KLHL1: variants seen among roughly 807,000 people sequenced by gnomAD.
KLHL1 encodes the protein kelch-like protein 1.
In KLHL1, 47 loss-of-function variants were observed where a neutral mutation model predicts 77.7. The observed-to-expected ratio is 0.60, with a 90% CI of 0.48 to 0.77. The LOEUF is 0.77. KLHL1 is among the 30% of genes least tolerant of loss of function. The probability of loss-of-function intolerance (pLI) is 0.00; values close to 1 mark genes in which losing one functional copy is unlikely to be tolerated. For synonymous variants in KLHL1, 360 were observed against 325.2 expected (o/e 1.11, Z -1.15); for missense variants, 925 against 910.8 (o/e 1.02, Z -0.20).
chr13:69,988,308 G>A (rs1365079240), intron 1 of KLHL1, among the ~76,000 whole-genome samples: 1 of 151,946 alleles, frequency 6.6e-6, no homozygotes, highest in Non-Finnish European at 1.5e-5. Flanking sequence ...TCTTTTTCAT[G>A]GTTGCATACT....
intron 3 of KLHL1, 35 bp downstream of exon 3, chr13:69,961,273 G>C (rs924019650): frequency 3.2e-6 from 5 of 1,560,716 alleles, no homozygotes; most frequent in Admixed American, 3.5e-5. Flanking sequence ...AAATTTATAA[G>C]ACATCAGAAT....
At chr13:69,819,711 T>C (rs1483403604) in intron 6 of KLHL1, among the ~76,000 whole-genome samples, 1 of 152,182 alleles carries the variant, frequency 6.6e-6, no homozygotes, top group Admixed American at 6.5e-5. Context: ...TCACTGCTAC[T>C]GTGGCCCTAA....
At chr13:69,788,100 T>C (rs1876655910) in intron 7 of KLHL1, among the ~76,000 whole-genome samples, 2 of 152,250 alleles carry the variant, frequency 1.3e-5, no homozygotes, top group South Asian at 4.1e-4. Flanking sequence ...GAAGACAGTG[T>C]GGCGATTCCT....
chr13:70,051,743 C>A (rs953607701), intron 1 of KLHL1, among the ~76,000 whole-genome samples: 1 of 151,866 alleles, frequency 6.6e-6, no homozygotes, highest in African/African-American at 2.4e-5. Context: ...TCATTCCAAC[C>A]TGTGATTTAT....
chr13:69,990,510 G>A (rs1013441365), intron 1 of KLHL1, among the ~76,000 whole-genome samples: 1 of 151,912 alleles, frequency 6.6e-6, no homozygotes, highest in Non-Finnish European at 1.5e-5. Flanking sequence ...AAAAAAGCAG[G>A]AGCTGTAATC....
rs755065358 is a variant in KLHL1 at position 69,740,377 on chromosome 13, G to A, written c.1802+17C>T. ...CTTTTTTTCTAAGATTAAAAAATAA[G>A]AAAAAAATTTACTTACTTGCCATTC... On this transcript the variant is annotated intron_variant, in intron 8 of 10. Transcript: ENST00000377844. 4.6e-6 allele frequency: 7 copies of A among 1,513,116 alleles called. No homozygotes were observed. In the East Asian group the frequency reaches 1.2e-4, roughly 25 times the overall value. 93.7% of individuals were successfully genotyped at this position (1,513,116 alleles called of 1,614,324 possible). A position where few individuals can be genotyped will look rare whatever the true frequency, so the allele number is the denominator to read the frequency against.
chr13:69,740,364 G>T (rs773687172), intron 8 of KLHL1, 30 bp downstream of exon 8: 9 of 1,465,350 alleles, frequency 6.1e-6, no homozygotes, highest in South Asian at 4.1e-5. Context: ...TTTTTTCTAA[G>T]ATTAAAAAAT....
intron 1 of KLHL1, among the ~76,000 whole-genome samples, chr13:70,013,245 A>G (rs1885580238): frequency 6.6e-6 from 1 of 152,212 alleles, no homozygotes; most frequent in South Asian, 2.1e-4. Flanking sequence ...GCAATTCTAT[A>G]CATTAAAAAA....
At chr13:69,821,023 G>A (rs1486113797) in intron 6 of KLHL1, among the ~76,000 whole-genome samples, 1 of 152,158 alleles carries the variant, frequency 6.6e-6, no homozygotes, top group African/African-American at 2.4e-5. Context: ...AGTGAAAGCA[G>A]CCACAGACAA....
chr13:69,771,558 A>G (rs1875564333), intron 7 of KLHL1, among the ~76,000 whole-genome samples: 1 of 152,162 alleles, frequency 6.6e-6, no homozygotes, highest in Non-Finnish European at 1.5e-5. Flanking sequence ...TTACACTTCT[A>G]GCAGCAATTG....
chr13:69,979,009 T>C (rs754761013), intron 1 of KLHL1, among the ~76,000 whole-genome samples: 1 of 152,080 alleles, frequency 6.6e-6, no homozygotes, highest in Non-Finnish European at 1.5e-5. Context: ...AAAAGAGTTA[T>C]TCAAAGTCAA....
intron 6 of KLHL1, among the ~76,000 whole-genome samples, chr13:69,828,881 C>T (rs1383600823): frequency 6.7e-6 from 1 of 150,028 alleles, no homozygotes; most frequent in African/African-American, 2.5e-5. Context: ...ACCTCCATCC[C>T]CCACAGTGGC....
chr13:69,915,676 G>T (rs1336918038), intron 4 of KLHL1, among the ~76,000 whole-genome samples: 3 of 152,052 alleles, frequency 2.0e-5, no homozygotes, highest in African/African-American at 7.2e-5. Flanking sequence ...TCAGGACATA[G>T]GCATGGGCAA....
At chr13:69,770,842 G>A (rs997278017) in intron 7 of KLHL1, among the ~76,000 whole-genome samples, 1 of 152,052 alleles carries the variant, frequency 6.6e-6, no homozygotes, top group Non-Finnish European at 1.5e-5. Flanking sequence ...TCCGCCTCCT[G>A]GGTTCAAACA....
chr13:69,873,797 A>G (rs1169902386), intron 5 of KLHL1, among the ~76,000 whole-genome samples: 1 of 152,202 alleles, frequency 6.6e-6, no homozygotes, highest in East Asian at 1.9e-4. Context: ...ACTTGCTAAG[A>G]CCAAGAATAA....
At chr13:70,049,903 G>C (rs1886589390) in intron 1 of KLHL1, among the ~76,000 whole-genome samples, 3 of 151,762 alleles carry the variant, frequency 2.0e-5, no homozygotes, top group Admixed American at 6.6e-5. Context: ...CAGCAATCTA[G>C]ATTATTCCCA....
chr13:70,022,637 C>A (rs913148875), intron 1 of KLHL1, among the ~76,000 whole-genome samples: 3 of 151,874 alleles, frequency 2.0e-5, no homozygotes, highest in Admixed American at 2.0e-4. Flanking sequence ...TATAATCCAA[C>A]TACACAATAC....
At chr13:69,810,654 G>C (rs1042998845) in intron 6 of KLHL1, among the ~76,000 whole-genome samples, 2 of 151,482 alleles carry the variant, frequency 1.3e-5, no homozygotes, top group South Asian at 4.2e-4. Context: ...ACTAAACAAA[G>C]CTAGCAGATT....
intron 1 of KLHL1, among the ~76,000 whole-genome samples, chr13:70,072,609 T>C (rs1887161913): frequency 6.6e-6 from 1 of 152,020 alleles, no homozygotes; most frequent in South Asian, 2.1e-4. Flanking sequence ...AGGTAGAACC[T>C]ATCCCAGGCA....
Sources: gnomAD v4.1 joint callset for allele counts (sites outside exome capture counted in the v4.1 genomes callset) on GRCh38, gnomAD v4.1.1 for gene constraint, MANE v1.5 for transcripts, NCBI Gene and HGNC (gene_info 2026-07-23, HGNC 2026-07-21) for gene names.